PPP1R14C: variants seen among roughly 807,000 people sequenced by gnomAD.
The protein encoded by PPP1R14C is protein phosphatase 1 regulatory inhibitor subunit 14C.
PPP1R14C carries 16 observed loss-of-function variants against 20.4 expected under a neutral mutation model. The ratio of observed to expected loss-of-function variants is 0.78; its 90% CI spans 0.53 to 1.19. The LOEUF (loss-of-function observed/expected upper bound fraction) is 1.19. Among genes scored for constraint, PPP1R14C ranks in the 50% most tolerant of loss-of-function variants. The pLI, the probability that PPP1R14C is intolerant of heterozygous loss-of-function variation, is 0.00. For missense variants in PPP1R14C, 211 were observed against 220.1 expected, an observed-to-expected ratio of 0.96 and a Z score of 0.26; for synonymous variants, 91 against 91.0, an observed-to-expected ratio of 1.00 and a Z score of 0.00.
intron 1 of PPP1R14C, among the ~76,000 whole-genome samples, chr6:150,213,908 G>C (rs1325562150): frequency 1.3e-5 from 2 of 152,180 alleles, no homozygotes; most frequent in Admixed American, 1.3e-4. Context: ...TTCAGAGGTG[G>C]TTTGACACAG....
At chr6:150,212,142 C>A (rs1435939131) in intron 1 of PPP1R14C, among the ~76,000 whole-genome samples, 1 of 152,216 alleles carries the variant, frequency 6.6e-6, no homozygotes, top group African/African-American at 2.4e-5. Context: ...GGCGAGTGTA[C>A]TCTGGGGTAG....
At chr6:150,162,957 C>T (rs940721699) in intron 1 of PPP1R14C, among the ~76,000 whole-genome samples, 5 of 152,148 alleles carry the variant, frequency 3.3e-5, no homozygotes, top group Non-Finnish European at 5.9e-5. Flanking sequence ...ATGGCACCAG[C>T]GGTGTGCAAA....
At chr6:150,211,169 G>C (rs892533874) in intron 1 of PPP1R14C, among the ~76,000 whole-genome samples, 1 of 152,162 alleles carries the variant, frequency 6.6e-6, no homozygotes, top group African/African-American at 2.4e-5. Flanking sequence ...GTGGCTTTGG[G>C]GCCATTGCAT....
intron 1 of PPP1R14C, among the ~76,000 whole-genome samples, chr6:150,148,864 G>A (rs754960707): frequency 6.6e-5 from 10 of 152,130 alleles, no homozygotes; most frequent in African/African-American, 1.2e-4. Flanking sequence ...AGGAGTTGGA[G>A]ACCAGCCTGA....
intron 1 of PPP1R14C, among the ~76,000 whole-genome samples, chr6:150,173,786 AG>A (rs1777525796): frequency 6.6e-6 from 1 of 152,160 alleles, no homozygotes. Flanking sequence ...TCACTCAGCC[AG>A]GACATGGGAG....
chr6:150,227,411 T>C (rs1230918175), intron 3 of PPP1R14C, among the ~76,000 whole-genome samples: 2 of 152,210 alleles, frequency 1.3e-5, no homozygotes, highest in African/African-American at 4.8e-5. Context: ...CATTTAGGAA[T>C]GAAAGGACAG....
intron 1 of PPP1R14C, among the ~76,000 whole-genome samples, chr6:150,149,407 C>T (rs1189181933): frequency 1.4e-5 from 2 of 147,364 alleles, no homozygotes; most frequent in African/African-American, 5.1e-5. Context: ...CTCATTGCAT[C>T]GTTGACCACC....
At chr6:150,222,329 G>C (rs1362015848) in intron 3 of PPP1R14C, among the ~76,000 whole-genome samples, 2 of 152,078 alleles carry the variant, frequency 1.3e-5, no homozygotes, top group African/African-American at 2.4e-5. Context: ...AAATTGACTA[G>C]AAGGTACAGA....
At chr6:150,188,721 C>T (rs1777707059) in intron 1 of PPP1R14C, among the ~76,000 whole-genome samples, 1 of 151,724 alleles carries the variant, frequency 6.6e-6, no homozygotes, top group African/African-American at 2.4e-5. Context: ...CTCCTGACCT[C>T]ATGATCCACC....
At chr6:150,206,842 T>G (rs777133854) in intron 1 of PPP1R14C, among the ~76,000 whole-genome samples, 5 of 147,604 alleles carry the variant, frequency 3.4e-5, no homozygotes, top group Non-Finnish European at 7.5e-5. Context: ...CAGGCTATTT[T>G]GATGTTTTTT....
At chr6:150,199,141 C>T (rs1015013228) in intron 1 of PPP1R14C, among the ~76,000 whole-genome samples, 2 of 151,964 alleles carry the variant, frequency 1.3e-5, no homozygotes, top group African/African-American at 2.4e-5. Flanking sequence ...TCAGATATGA[C>T]GGGTCAGTGG....
chr6:150,205,265 G>A (rs1461623522), intron 1 of PPP1R14C, among the ~76,000 whole-genome samples: 1 of 152,092 alleles, frequency 6.6e-6, no homozygotes. Context: ...CCTGGGCTTA[G>A]TCAGTGTCTA....
At chr6:150,150,029 G>A (rs1412850547) in intron 1 of PPP1R14C, among the ~76,000 whole-genome samples, 1 of 152,118 alleles carries the variant, frequency 6.6e-6, no homozygotes, top group Non-Finnish European at 1.5e-5. Flanking sequence ...GTTCATAGCG[G>A]GACACAATTC....
intron 1 of PPP1R14C, among the ~76,000 whole-genome samples, chr6:150,193,073 T>C (rs1033506552): frequency 1.3e-5 from 2 of 152,184 alleles, no homozygotes; most frequent in African/African-American, 4.8e-5. Context: ...AGAGTATAAA[T>C]CATTTTTTGT....
chr6:150,214,736 C>T lies in PPP1R14C; in HGVS notation c.307-8C>T, dbSNP rs752418434. The T allele has an allele frequency of 5.6e-6, 9 of 1,608,828 alleles. No homozygotes were observed. Among genetic ancestry groups the T allele is most frequent in the South Asian group, 1.1e-5 (1 of 90,632 alleles). On this transcript the variant is annotated splice_region_variant and splice_polypyrimidine_tract_variant and intron_variant, in intron 1 of 3. Coordinates refer to ENST00000361131, the MANE Select transcript of PPP1R14C (RefSeq NM_030949.3). The stretch of plus-strand genomic sequence containing the variant: ...TAAATGCCTTCATATCCTCCCACTG[C>T]CCCCCAGGAAGAAGAAATGCCAGAG...
At chr6:150,212,741 T>A (rs1016963877) in intron 1 of PPP1R14C, among the ~76,000 whole-genome samples, 6 of 152,356 alleles carry the variant, frequency 3.9e-5, no homozygotes, top group African/African-American at 1.4e-4. Context: ...ATACCCTGTT[T>A]TTAACGTACC....
At position 150,246,365 on chromosome 6, in the gene PPP1R14C, A is replaced by G. The variant is rs1193527691; in HGVS notation, c.424-2381A>G. 3.9e-5 allele frequency among the ~76,000 whole-genome samples: 6 copies of G among 152,182 alleles called. No homozygotes were observed. In the East Asian group the frequency reaches 1.2e-3, roughly 29 times the overall value. Reference sequence around the variant, plus strand: ...TTTTTGTAGTAGTCATATGCATAACAGATTCCAAAAACAACAGAATTGAAA... The same window carrying G: ...TTTTTGTAGTAGTCATATGCATAACGGATTCCAAAAACAACAGAATTGAAA... On this transcript the variant is annotated intron_variant, in intron 3 of 3. Coordinates refer to ENST00000361131, the MANE Select transcript of PPP1R14C (RefSeq NM_030949.3).
rs374382504 is a variant in PPP1R14C at position 150,177,032 on chromosome 6, C to G, written c.306+33534C>G. Among the ~76,000 whole-genome samples, 53 of 152,286 alleles carry G rather than the reference C, an allele frequency of 3.5e-4. 1 individual carries two copies. Among genetic ancestry groups the G allele is most frequent in the African/African-American group, 9.4e-4 (39 of 41,548 alleles). On this transcript the variant is annotated intron_variant, in intron 1 of 3. Transcript: ENST00000361131. ...CTCCACGTCCTGTTTGCTGCCTTCC[C>G]CATACCAGAAATCCTAATATCCACG...
In PPP1R14C at chr6:150,232,858, A is replaced by G. The variant is rs191836552; in HGVS notation, c.424-15888A>G. Reference sequence around the variant, plus strand: ...CAAAGTGTCTTAACTATTCTTGAATATTTGTATTTGACTAGAATTGCATTA... The same window carrying G: ...CAAAGTGTCTTAACTATTCTTGAATGTTTGTATTTGACTAGAATTGCATTA... On this transcript the variant is annotated intron_variant, in intron 3 of 3. Transcript: ENST00000361131. 7.0e-4 allele frequency among the ~76,000 whole-genome samples: 107 copies of G among 152,366 alleles called. 1 individual carries two copies. The highest frequency in any genetic ancestry group is 8.5e-4 in the Admixed American group (13 of 15,306).
Sources: allele counts gnomAD v4.1 joint callset (sites outside exome capture counted in the v4.1 genomes callset), GRCh38; gene constraint gnomAD v4.1.1; transcripts MANE v1.5; gene names NCBI Gene and HGNC (gene_info 2026-07-23, HGNC 2026-07-21).